Variants in RARB observed in about 807,000 individuals in gnomAD.
The protein encoded by RARB is retinoic acid receptor beta.
In RARB, 17 loss-of-function variants were observed where a neutral mutation model predicts 51.9. The ratio of observed to expected loss-of-function variants is 0.33; its 90% CI spans 0.22 to 0.49. The LOEUF is 0.49. Ranked by LOEUF, RARB falls within the 20% of genes least tolerant of loss-of-function variation. The probability of loss-of-function intolerance (pLI) is 0.99; values close to 1 mark genes in which losing one functional copy is unlikely to be tolerated. For synonymous variants in RARB, 215 were observed against 195.4 expected (o/e 1.10, Z -0.84); for missense variants, 369 against 550.8 (o/e 0.67, Z 3.30).
Position 25,232,472 on chromosome 3 carries a change from A to T in RARB, c.178+57897A>T, listed in dbSNP as rs140745715. ...TCTAGTATATCTCTATGTATTATATATTAATAAAAGAAAACCCAAATAAGC... is the reference window on the plus strand; with the variant it reads ...TCTAGTATATCTCTATGTATTATATTTTAATAAAAGAAAACCCAAATAAGC... On this transcript the variant is annotated intron_variant, in intron 5 of 11. Coordinates refer to the RARB transcript ENST00000383772. Among the ~76,000 whole-genome samples the T allele has an allele frequency of 4.5e-3, 685 of 152,260 alleles. 9 individuals are homozygous for T. Among genetic ancestry groups the T allele is most frequent in the African/African-American group, 0.015 (637 of 41,558 alleles).
chr3:25,515,661 C>T (rs1465962930), intron 3 of RARB, among the ~76,000 whole-genome samples: 3 of 152,102 alleles, frequency 2.0e-5, no homozygotes, highest in Non-Finnish European at 4.4e-5. Context: ...GAACAAGAGA[C>T]AAGAAACAGT....
chr3:24,970,612 C>T (rs1031223836), intron 2 of RARB, among the ~76,000 whole-genome samples: 17 of 151,654 alleles, frequency 1.1e-4, no homozygotes, highest in Non-Finnish European at 1.5e-5. Flanking sequence ...CACAAACACA[C>T]CCCCTCTGCT....
At chr3:25,418,245 T>C (rs1707762606) in intron 5 of RARB, among the ~76,000 whole-genome samples, 1 of 152,204 alleles carries the variant, frequency 6.6e-6, no homozygotes, top group South Asian at 2.1e-4. Flanking sequence ...GGTCCTGGAA[T>C]TAAGTTTGCC....
At chr3:25,510,559 G>A (rs893735170) in intron 3 of RARB, among the ~76,000 whole-genome samples, 3 of 152,014 alleles carry the variant, frequency 2.0e-5, no homozygotes, top group African/African-American at 7.3e-5. Context: ...CCAGGAGGCA[G>A]AGGCTGCATT....
rs114298867 is a variant in RARB, at chr3:25,015,393, G to C, written c.-379-44732G>C. Among the ~76,000 whole-genome samples the C allele has an allele frequency of 4.8e-3, 732 of 152,252 alleles. 4 individuals carry two copies. Among genetic ancestry groups the C allele is most frequent in the African/African-American group, 0.016 (652 of 41,552 alleles). Reference sequence around the variant, plus strand: ...TCAAGAAATGAATATTTCATTGGGAGAGAATATTATCTTTATAATTTGTTA... The same window carrying C: ...TCAAGAAATGAATATTTCATTGGGACAGAATATTATCTTTATAATTTGTTA... On this transcript the variant is annotated intron_variant, in intron 2 of 11. Transcript: ENST00000383772.
chr3:25,002,220 T>C (rs4324440), intron 2 of RARB, among the ~76,000 whole-genome samples: 40,660 of 152,104 alleles, frequency 0.27, 5,987 homozygotes, highest in African/African-American at 0.4. Flanking sequence ...TGTGGTAAGG[T>C]GTGAAGACAC....
At chr3:24,903,643 A>T (rs923710432) in intron 2 of RARB, among the ~76,000 whole-genome samples, 8 of 152,126 alleles carry the variant, frequency 5.3e-5, no homozygotes, top group Non-Finnish European at 8.8e-5. Context: ...TACTGCTCTG[A>T]TCTTGTCCAA....
At chr3:25,336,854 C>G (rs556464763) in intron 5 of RARB, among the ~76,000 whole-genome samples, 53 of 152,230 alleles carry the variant, frequency 3.5e-4, no homozygotes, top group African/African-American at 1.2e-3. Flanking sequence ...GAACGGCTCA[C>G]TTGGGAGACC....
At chr3:25,380,454 G>A (rs149408416) in intron 5 of RARB, among the ~76,000 whole-genome samples, 334 of 152,282 alleles carry the variant, frequency 2.2e-3, no homozygotes, top group African/African-American at 7.5e-3. Flanking sequence ...TTGCTTTCAG[G>A]AATGCAGTTA....
At chr3:24,898,393 T>C (rs1460538595) in intron 2 of RARB, among the ~76,000 whole-genome samples, 1 of 151,188 alleles carries the variant, frequency 6.6e-6, no homozygotes, top group Non-Finnish European at 1.5e-5. Flanking sequence ...AGGAATAAAT[T>C]ATAGGAATAA....
chr3:25,464,496 T>C (rs993087592), intron 2 of RARB, among the ~76,000 whole-genome samples: 35 of 152,282 alleles, frequency 2.3e-4, no homozygotes, highest in African/African-American at 8.4e-4. Context: ...AATTTGATAA[T>C]ATTTTTATAT....
At chr3:25,349,791 A>G (rs1231111552) in intron 5 of RARB, among the ~76,000 whole-genome samples, 1 of 152,208 alleles carries the variant, frequency 6.6e-6, no homozygotes, top group Non-Finnish European at 1.5e-5. Context: ...CCCAACATTC[A>G]GTGGCTTAAA....
chr3:24,949,357 C>T (rs916178132), intron 2 of RARB, among the ~76,000 whole-genome samples: 1 of 152,168 alleles, frequency 6.6e-6, no homozygotes, highest in African/African-American at 2.4e-5. Context: ...TTACCCTTCC[C>T]CCCTGAACAT....
In RARB at chr3:25,068,079, A is replaced by C. The variant is rs150225674; in HGVS notation, c.-328+7903A>C. 3.8e-3 allele frequency among the ~76,000 whole-genome samples: 491 copies of C among 128,142 alleles called. 9 individuals carry two copies. In the East Asian group the frequency reaches 0.058, roughly 15 times the overall value. The allele number at this position is 128,142 out of a possible 152,430, so 84.1% of individuals were successfully genotyped here. On this transcript the variant is annotated intron_variant, in intron 3 of 11. Transcript: ENST00000383772. ...AACCCAGGAGGTGGAGGTTGCAGTG[A>C]GACGAGATTGCACCATCGCACTTCA... is the stretch of plus-strand genomic sequence containing the variant.
intron 2 of RARB, among the ~76,000 whole-genome samples, chr3:25,053,213 G>A (rs753789595): frequency 2.0e-5 from 3 of 152,106 alleles, no homozygotes; most frequent in Non-Finnish European, 4.4e-5. Context: ...TTATGACAAG[G>A]TTTGATGGTG....
At position 25,369,991 on chromosome 3, in the gene RARB, T is replaced by C. The variant is rs570777150; in HGVS notation, c.179-91202T>C. Among the ~76,000 whole-genome samples, 31 of 152,262 alleles carry C rather than the reference T, an allele frequency of 2.0e-4. 1 individual carries two copies. In the South Asian group the frequency reaches 5.6e-3, roughly 27 times the overall value. On this transcript the variant is annotated intron_variant, in intron 5 of 11. Transcript: ENST00000383772. ...ATTGGAAATAGCCTAAGTGTTCATCTTCTAGTAGGAGAACTGAGTGAAAAG... is the reference window on the plus strand; with the variant it reads ...ATTGGAAATAGCCTAAGTGTTCATCCTCTAGTAGGAGAACTGAGTGAAAAG...
intron 3 of RARB, among the ~76,000 whole-genome samples, chr3:25,125,543 C>T (rs1324437677): frequency 3.3e-5 from 5 of 152,146 alleles, no homozygotes; most frequent in Non-Finnish European, 1.5e-5. Flanking sequence ...AAATGTTTCT[C>T]TGAGGAGGAG....
chr3:25,572,441 C>T (rs1334527892), intron 4 of RARB, among the ~76,000 whole-genome samples: 1 of 152,098 alleles, frequency 6.6e-6, no homozygotes, highest in Non-Finnish European at 1.5e-5. Context: ...ATTACAGATG[C>T]AAAAGCCAGG....
chr3:25,511,273 C>T (rs971947219), intron 3 of RARB, among the ~76,000 whole-genome samples: 1 of 152,110 alleles, frequency 6.6e-6, no homozygotes, highest in Non-Finnish European at 1.5e-5. Flanking sequence ...GCTGGGACTA[C>T]AGGCGCCCGC....
Sources: gnomAD v4.1 joint callset for allele counts (sites outside exome capture counted in the v4.1 genomes callset) on GRCh38, gnomAD v4.1.1 for gene constraint, MANE v1.5 for transcripts, NCBI Gene and HGNC (gene_info 2026-07-23, HGNC 2026-07-21) for gene names.